ZHX3: variants seen among roughly 807,000 people sequenced by gnomAD.
ZHX3 encodes the protein zinc fingers and homeoboxes protein 3.
ZHX3 carries 20 observed loss-of-function variants against 64.5 expected under a neutral mutation model. The observed-to-expected ratio is 0.31, with a 90% CI of 0.22 to 0.45. The LOEUF is 0.45. Ranked by LOEUF, ZHX3 falls within the 20% of genes least tolerant of loss-of-function variation. ZHX3 has a pLI of 1.00. For synonymous variants in ZHX3, 423 were observed against 461.6 expected, an observed-to-expected ratio of 0.92 and a Z score of 1.07; for missense variants, 1,041 against 1,195.8, an observed-to-expected ratio of 0.87 and a Z score of 1.91.
chr20:41,289,451 G>A (rs912882960), intron 1 of ZHX3, among the ~76,000 whole-genome samples: 4 of 151,972 alleles, frequency 2.6e-5, no homozygotes, highest in Non-Finnish European at 4.4e-5. Flanking sequence ...GAAAAATAAC[G>A]GTGCTCCTTG....
intron 2 of ZHX3, among the ~76,000 whole-genome samples, chr20:41,222,367 A>AAAAGC (rs1166859934): frequency 2.0e-5 from 3 of 152,246 alleles, no homozygotes; most frequent in Non-Finnish European, 4.4e-5. Context: ...GCTTTGTGAA[A>AAAAGC]AAAGCAAAGC....
chr20:41,259,612 C>T (rs1311580849), intron 2 of ZHX3, among the ~76,000 whole-genome samples: 5 of 151,882 alleles, frequency 3.3e-5, no homozygotes, highest in Non-Finnish European at 7.4e-5. Context: ...CAGGACTTTG[C>T]ATGACTCCAT....
At chr20:41,267,376 CA>C (rs1328948251) in intron 2 of ZHX3, 5 of 152,232 alleles carry the variant, frequency 3.3e-5, no homozygotes, top group African/African-American at 1.2e-4. Context: ...CCCTGTTAAT[CA>C]TTTTCAATCC....
chr20:41,226,168 C>T lies in ZHX3; in HGVS notation c.-150-21102G>A, dbSNP rs577187704. ...ATCCCAGCACTTTGGGAGGCCGAGGCGGGTGGATCATGAGGTCAGGAGATC... is the reference window on the plus strand; with the variant it reads ...ATCCCAGCACTTTGGGAGGCCGAGGTGGGTGGATCATGAGGTCAGGAGATC... On this transcript the variant is annotated intron_variant, in intron 2 of 3. Transcript: ENST00000683867. The surrounding 1 kb of genome is among the most constrained non-coding windows in gnomAD (Gnocchi z 4.4). Among the ~76,000 whole-genome samples the T allele has an allele frequency of 4.6e-5, 7 of 152,076 alleles. No individual in the cohort carries two copies. The South Asian group carries it at 1.5e-3, about 32-fold the overall frequency.
intron 1 of ZHX3, among the ~76,000 whole-genome samples, chr20:41,293,751 G>A (rs189590978): frequency 2.0e-4 from 30 of 152,314 alleles, no homozygotes; most frequent in African/African-American, 7.2e-4. Flanking sequence ...TAAACCTGAA[G>A]AAGAGGTGAC....
Position 41,211,101 on chromosome 20 carries a change from C to A in ZHX3, c.-150-6035G>T, listed in dbSNP as rs185260313. Among the ~76,000 whole-genome samples the A allele has an allele frequency of 5.1e-4, 77 of 151,826 alleles. 1 individual carries two copies. The highest frequency in any genetic ancestry group is 4.8e-3 in the East Asian group (25 of 5,182). ...ACCAATGGTTTTATATATAAAAGAC[C>A]GAAATTAAACAGTTGATAACTCAAA... On this transcript the variant is annotated intron_variant, in intron 2 of 3. Coordinates refer to ENST00000683867, the MANE Select transcript of ZHX3 (RefSeq NM_001384317.1).
intron 1 of ZHX3, among the ~76,000 whole-genome samples, chr20:41,289,729 A>G (rs978685480): frequency 7.9e-5 from 12 of 151,568 alleles, no homozygotes; most frequent in African/African-American, 2.2e-4. Context: ...CAAGGTGCCA[A>G]TGAAAGCTCT....
At chr20:41,206,221 T>G (rs548273809) in intron 2 of ZHX3, among the ~76,000 whole-genome samples, 1 of 152,222 alleles carries the variant, frequency 6.6e-6, no homozygotes, top group South Asian at 2.1e-4. Context: ...AGCTGAAAAT[T>G]CTAAAAATCA....
At chr20:41,289,976 A>G (rs1328549514) in intron 1 of ZHX3, among the ~76,000 whole-genome samples, 3 of 152,256 alleles carry the variant, frequency 2.0e-5, no homozygotes, top group Non-Finnish European at 4.4e-5. Flanking sequence ...TTGGGGCAAC[A>G]TTAAAATAAG....
chr20:41,194,356 C>A (rs1223164432), intron 3 of ZHX3, among the ~76,000 whole-genome samples: 1 of 152,068 alleles, frequency 6.6e-6, no homozygotes, highest in Non-Finnish European at 1.5e-5. Context: ...TCTCTTTATT[C>A]TTGTAATGTG....
chr20:41,236,909 C>G (rs1232726481), intron 2 of ZHX3, among the ~76,000 whole-genome samples: 1 of 152,036 alleles, frequency 6.6e-6, no homozygotes, highest in Non-Finnish European at 1.5e-5. Flanking sequence ...AGAACTCAAA[C>G]AAATTTACAA....
At chr20:41,284,806 CCT>C (rs559757918) in intron 1 of ZHX3, among the ~76,000 whole-genome samples, 62 of 152,270 alleles carry the variant, frequency 4.1e-4, no homozygotes, top group Non-Finnish European at 8.1e-4. Flanking sequence ...CCAGCCTCAT[CCT>C]CCACCAAACT....
chr20:41,191,321 A>T (rs80243405), intron 3 of ZHX3, among the ~76,000 whole-genome samples: 1 of 151,972 alleles, frequency 6.6e-6, no homozygotes, highest in Non-Finnish European at 1.5e-5. Flanking sequence ...GAAGCTTTCA[A>T]TTGTATTCTG....
rs1021524158 is a variant in ZHX3, at chr20:41,178,686, C to T, written c.*6505G>A. 1 of 152,670 alleles carries T rather than the reference C, an allele frequency of 6.6e-6. No individual in the cohort carries two copies. Among genetic ancestry groups the T allele is most frequent in the Admixed American group, 6.5e-5 (1 of 15,288 alleles). 9.5% of individuals were successfully genotyped at this position (152,670 alleles called of 1,614,324 possible). On this transcript the variant is annotated 3_prime_UTR_variant, in exon 4 of 4. Coordinates refer to ENST00000683867, the MANE Select transcript of ZHX3 (RefSeq NM_001384317.1). ...CAACCCCACTCCTGCCTCAGCACGACCACAGTCCAAACCGAAGTTAAGTTC... is the reference window on the plus strand; with the variant it reads ...CAACCCCACTCCTGCCTCAGCACGATCACAGTCCAAACCGAAGTTAAGTTC...
At chr20:41,268,744 T>C (rs2042984433) in intron 2 of ZHX3, among the ~76,000 whole-genome samples, 1 of 152,220 alleles carries the variant, frequency 6.6e-6, no homozygotes, top group South Asian at 2.1e-4. Context: ...CAGATTCCTA[T>C]CAGATGATCA....
rs1198486464 is a variant in ZHX3 at position 41,183,939 on chromosome 20, T to C, written c.*1252A>G. On this transcript the variant is annotated 3_prime_UTR_variant, in exon 4 of 4. Transcript: ENST00000683867. The surrounding 1 kb of genome is among the most constrained non-coding windows in gnomAD (Gnocchi z 5.3). ...TAAAGTAGAGTTCTTGTTTCCAAGT[T>C]TGGGGACATAAATATAAAACTTTAA... 1.3e-5 allele frequency: 2 copies of C among 152,190 alleles called. No homozygotes were observed. The highest frequency in any genetic ancestry group is 2.4e-5 in the African/African-American group (1 of 41,442). 9.4% of individuals were successfully genotyped at this position (152,190 alleles called of 1,614,324 possible).
intron 3 of ZHX3, among the ~76,000 whole-genome samples, chr20:41,191,325 T>C (rs2037001694): frequency 6.6e-6 from 1 of 152,172 alleles, no homozygotes; most frequent in African/African-American, 2.4e-5. Flanking sequence ...CTTTCAATTG[T>C]ATTCTGTACT....
chr20:41,228,466 G>A lies in ZHX3; in HGVS notation c.-150-23400C>T, dbSNP rs996497674. Reference sequence around the variant, plus strand: ...TGGATGGCTTATAAACAACAGAAATGTATTTCTCACAGTTCTTGAGGCCAG... The same window carrying A: ...TGGATGGCTTATAAACAACAGAAATATATTTCTCACAGTTCTTGAGGCCAG... On this transcript the variant is annotated intron_variant, in intron 2 of 3. Transcript: ENST00000683867. This position sits in a 1 kb window ranked among gnomAD's most constrained non-coding sequence, Gnocchi z 4.6. Among the ~76,000 whole-genome samples, 1 of 152,176 alleles carries A rather than the reference G, an allele frequency of 6.6e-6. No individual in the cohort carries two copies. Among genetic ancestry groups the A allele is most frequent in the African/African-American group, 2.4e-5 (1 of 41,440 alleles).
chr20:41,277,964 A>T (rs1343238886), intron 1 of ZHX3, among the ~76,000 whole-genome samples: 1 of 115,030 alleles, frequency 8.7e-6, no homozygotes, highest in Non-Finnish European at 1.7e-5. Flanking sequence ...GATTAATTTA[A>T]GTGTGGAAAA....
Sources: gnomAD v4.1 joint callset for allele counts (sites outside exome capture counted in the v4.1 genomes callset) on GRCh38, gnomAD v4.1.1 for gene constraint, Gnocchi (gnomAD v3.1) non-coding constraint, MANE v1.5 for transcripts, NCBI Gene and HGNC (gene_info 2026-07-23, HGNC 2026-07-21) for gene names.